Variants in TMEM9B observed in about 807,000 individuals in gnomAD.
TMEM9B encodes the protein TMEM9 domain family member B.
A neutral mutation model predicts 23.5 loss-of-function variants in TMEM9B; 8 were observed. That is an observed-to-expected ratio of 0.34 (90% confidence interval 0.20 to 0.61). The LOEUF is 0.61. Ranked by LOEUF, TMEM9B falls within the 20% of genes least tolerant of loss-of-function variation. The probability of loss-of-function intolerance (pLI) is 0.78; values close to 1 mark genes in which losing one functional copy is unlikely to be tolerated. For synonymous variants in TMEM9B, 106 were observed against 96.3 expected, an observed-to-expected ratio of 1.10 and a Z score of -0.59; for missense variants, 197 against 252.3, an observed-to-expected ratio of 0.78 and a Z score of 1.49.
intron 1 of TMEM9B, 96 bp from the exon 2 acceptor site, chr11:8,962,279 G>T: frequency 1.4e-6 from 1 of 722,274 alleles, no homozygotes; most frequent in Non-Finnish European, 2.2e-6. Flanking sequence ...ATCCTCTTTA[G>T]AATACCAAGT....
chr11:8,953,400 A>G (rs1186921367), intron 3 of TMEM9B, 63 bp from the exon 4 acceptor site: 1 of 1,547,562 alleles, frequency 6.5e-7, no homozygotes, highest in Non-Finnish European at 8.8e-7. Context: ...ACTTTGTATG[A>G]TAATAGTAAA....
At chr11:8,964,585 C>T, upstream of TMEM9B, 1 of 860,842 alleles carries the variant, frequency 1.2e-6, no homozygotes, top group Non-Finnish European at 1.6e-6. Flanking sequence ...GGAAGGGGGC[C>T]TCTGGGGTGG....
chr11:8,950,853 ATAGT>A lies in TMEM9B; in HGVS notation c.441+2346_441+2349del, dbSNP rs765764258. On this transcript the variant is annotated intron_variant, in intron 4 of 4. Transcript: ENST00000534025. The stretch of plus-strand genomic sequence containing the variant: ...ACAAAAACAGAAAAAATGAAAACTG[ATAGT>A]TCAACAAAAACATTTTTAAAGTATA... Among the ~76,000 whole-genome samples, 53 of 152,270 alleles carry A rather than the reference ATAGT, an allele frequency of 3.5e-4. 1 individual carries two copies. The South Asian group carries it at 4.1e-3, about 12-fold the overall frequency.
intron 4 of TMEM9B, among the ~76,000 whole-genome samples, chr11:8,949,335 A>G (rs1473757517): frequency 6.6e-6 from 1 of 152,258 alleles, no homozygotes; most frequent in Non-Finnish European, 1.5e-5. Context: ...ATGCTAATCT[A>G]TCTATGAATG....
At chr11:8,954,687 C>A (rs1323815879) in intron 3 of TMEM9B, among the ~76,000 whole-genome samples, 8 of 152,104 alleles carry the variant, frequency 5.3e-5, no homozygotes, top group African/African-American at 1.9e-4. Flanking sequence ...ATATTTTTTA[C>A]AAATCTGTTA....
chr11:8,964,116 A>C, intron 1 of TMEM9B, 93 bp downstream of exon 1: 1 of 1,272,082 alleles, frequency 7.9e-7, no homozygotes. Flanking sequence ...GGCTGTCAGG[A>C]ATGGGCCAAG....
intron 3 of TMEM9B, among the ~76,000 whole-genome samples, chr11:8,955,083 G>A (rs1019072429): frequency 7.9e-5 from 12 of 151,448 alleles, no homozygotes; most frequent in East Asian, 2.0e-4. Flanking sequence ...CCCAGGAGGC[G>A]GAGGTTGCAG....
intron 2 of TMEM9B, among the ~76,000 whole-genome samples, chr11:8,961,194 G>A (rs1446624807): frequency 6.6e-6 from 1 of 152,134 alleles, no homozygotes; most frequent in Non-Finnish European, 1.5e-5. Context: ...CATACTCAAA[G>A]GCTGCCTTTT....
At chr11:8,948,947 T>G (rs2134858765) in intron 4 of TMEM9B, among the ~76,000 whole-genome samples, 1 of 152,312 alleles carries the variant, frequency 6.6e-6, no homozygotes, top group Non-Finnish European at 1.5e-5. Flanking sequence ...CTGTCTCCAT[T>G]AGAATTGTTT....
Position 8,956,298 on chromosome 11 carries a change from A to G in TMEM9B, c.198T>C (p.Cys66=), listed in dbSNP as rs1056147375. Residue 66 remains cysteine (C), a splice_region_variant and synonymous_variant, in exon 3 of 5, where the codon TGT becomes TGC. Transcript: ENST00000534025. Reference sequence around the variant, plus strand: ...TGGGCTCCACAACATGAAGGCAATCACTGAAAAAACAAAGATAAAATGCTG... The same window carrying G: ...TGGGCTCCACAACATGAAGGCAATCGCTGAAAAAACAAAGATAAAATGCTG... ...IYNKNISQKD[C]DCLHVVEPMP... 4 of 1,612,502 alleles carry G rather than the reference A, an allele frequency of 2.5e-6. No individual in the cohort carries two copies. The African/African-American group carries it at 5.3e-5, about 22-fold the overall frequency.
rs565504936 is a variant in TMEM9B at position 8,960,580 on chromosome 11, CAA to C, written c.197+1510_197+1511del. ...TTGAATAGTGAGTTCATTTGCTACT[CAA>C]AAGACAGGCATTGCATTTCATTACT... On this transcript the variant is annotated intron_variant, in intron 2 of 4. Coordinates refer to ENST00000534025, the MANE Select transcript of TMEM9B (RefSeq NM_020644.3). 2.9e-3 allele frequency among the ~76,000 whole-genome samples: 447 copies of C among 152,156 alleles called. 1 individual carries two copies. Among genetic ancestry groups the C allele is most frequent in the African/African-American group, 0.01 (419 of 41,506 alleles).
rs112726596 is a variant in TMEM9B, at chr11:8,949,233, G to T, written c.442-758C>A. Among the ~76,000 whole-genome samples the T allele has an allele frequency of 9.8e-3, 1,497 of 152,294 alleles. 17 individuals are homozygous for T. Among genetic ancestry groups the T allele is most frequent in the South Asian group, 0.026 (127 of 4,820 alleles). On this transcript the variant is annotated intron_variant, in intron 4 of 4. Coordinates refer to ENST00000534025, the MANE Select transcript of TMEM9B (RefSeq NM_020644.3). ...GCCTTGGGAAAGAGGCTATTGAAGG[G>T]TTGCCCAGGTATCTGTATAGAAAAC...
Position 8,964,226 on chromosome 11 carries a change from G to A in TMEM9B, c.88C>T (p.Leu30=), listed in dbSNP as rs1483813151. The change falls in exon 1 of 5, where the codon CTG becomes TTG. Residue 30 remains leucine (L), a synonymous_variant. Coordinates refer to ENST00000534025, the MANE Select transcript of TMEM9B (RefSeq NM_020644.3). ...LALSVLLLAQ[L]SDAAKNFEDV... ...GGACTCACCTTGGCGGCGTCTGACA[G>A]CTGCGCCAGCAGCAGCACGGAAAGC... 2.5e-6 allele frequency: 4 copies of A among 1,585,824 alleles called. No individual in the cohort carries two copies. The highest frequency in any genetic ancestry group is 2.3e-5 in the South Asian group (2 of 86,956).
At chr11:8,952,493 C>T (rs1309128036) in intron 4 of TMEM9B, among the ~76,000 whole-genome samples, 1 of 151,934 alleles carries the variant, frequency 6.6e-6, no homozygotes, top group Non-Finnish European at 1.5e-5. Flanking sequence ...GTTCTGCAGC[C>T]TCAAACTCCT....
At chr11:8,952,281 C>CTATATATATATATATATATA (rs58750330) in intron 4 of TMEM9B, among the ~76,000 whole-genome samples, 1 of 147,454 alleles carries the variant, frequency 6.8e-6, no homozygotes, top group African/African-American at 2.5e-5. Flanking sequence ...CACACACACG[C>CTATATATATATATATATATA]TATATATATA....
Position 8,948,104 on chromosome 11 carries a change from C to A in TMEM9B, c.*216G>T. ...AGTAAAAGTCACAAATAGGAAAAGA[C>A]TTATTGGCTGACTTTGAGCTGTGTG... On this transcript the variant is annotated 3_prime_UTR_variant, in exon 5 of 5. Coordinates refer to ENST00000534025, the MANE Select transcript of TMEM9B (RefSeq NM_020644.3). The A allele has an allele frequency of 2.1e-6, 1 of 466,204 alleles. No homozygotes were observed. Among genetic ancestry groups the A allele is most frequent in the Non-Finnish European group, 3.7e-6 (1 of 267,942 alleles). The allele number at this position is 466,204 out of a possible 1,614,324, so 28.9% of individuals were successfully genotyped here.
intron 2 of TMEM9B, among the ~76,000 whole-genome samples, chr11:8,959,392 C>T (rs1022226521): frequency 6.6e-6 from 1 of 152,176 alleles, no homozygotes; most frequent in Non-Finnish European, 1.5e-5. Context: ...GAGCTATGAT[C>T]GTGCCACTGC....
At chr11:8,949,948 C>T (rs961933301) in intron 4 of TMEM9B, among the ~76,000 whole-genome samples, 54 of 149,256 alleles carry the variant, frequency 3.6e-4, no homozygotes, top group Non-Finnish European at 7.4e-4. Flanking sequence ...AAGGCAGGGG[C>T]TATTCACAGG....
At chr11:8,959,359 GC>G (rs1854033551) in intron 2 of TMEM9B, among the ~76,000 whole-genome samples, 1 of 152,134 alleles carries the variant, frequency 6.6e-6, no homozygotes, top group Non-Finnish European at 1.5e-5. Flanking sequence ...GACCACTGGA[GC>G]CTAGGAGATC....
Sources: allele counts gnomAD v4.1 joint callset (sites outside exome capture counted in the v4.1 genomes callset), GRCh38; gene constraint gnomAD v4.1.1; transcripts MANE v1.5; gene names NCBI Gene and HGNC (gene_info 2026-07-23, HGNC 2026-07-21).